Variants in CDH23 observed in about 807,000 individuals in gnomAD.
CDH23 encodes the protein cadherin-23.
A neutral mutation model predicts 317.1 loss-of-function variants in CDH23; 189 were observed. The observed-to-expected ratio is 0.60, with a 90% CI of 0.53 to 0.67. The LOEUF is 0.67. Among genes scored for constraint, CDH23 ranks in the 30% least tolerant of loss-of-function variants. CDH23 has a pLI of 0.00. For synonymous variants in CDH23, 1,839 were observed against 1,876.8 expected, an observed-to-expected ratio of 0.98 and a Z score of 0.52; for missense variants, 4,401 against 4,592.4, an observed-to-expected ratio of 0.96 and a Z score of 1.20.
intron 9 of CDH23, among the ~76,000 whole-genome samples, chr10:71,598,826 C>T (rs1032845075): frequency 2.0e-5 from 3 of 152,260 alleles, no homozygotes; most frequent in African/African-American, 4.8e-5. Flanking sequence ...GGGATGGGAG[C>T]GTCTTGGGAC....
intron 41 of CDH23, among the ~76,000 whole-genome samples, chr10:71,780,490 G>A (rs745370603): frequency 7.9e-5 from 12 of 152,216 alleles, no homozygotes; most frequent in Non-Finnish European, 1.3e-4. Flanking sequence ...GAAACAGCAA[G>A]TGGAAAGGCA....
intron 1 of CDH23, among the ~76,000 whole-genome samples, chr10:71,414,027 AATTT>A (rs1466356660): frequency 6.9e-6 from 1 of 144,248 alleles, no homozygotes; most frequent in Non-Finnish European, 1.5e-5. Flanking sequence ...AATTTTGCTG[AATTT>A]ATTAGCTCCT....
intron 3 of CDH23, among the ~76,000 whole-genome samples, chr10:71,465,765 C>T (rs572594590): frequency 2.0e-5 from 3 of 152,314 alleles, no homozygotes; most frequent in South Asian, 2.1e-4. Context: ...CAGGTAGCCG[C>T]GCTGAGTGAC....
chr10:71,457,727 C>G (rs1850767016), intron 3 of CDH23, among the ~76,000 whole-genome samples: 1 of 152,250 alleles, frequency 6.6e-6, no homozygotes, highest in Admixed American at 6.5e-5. Flanking sequence ...TTTCCCTGTT[C>G]AGCCCTTGCT....
chr10:71,403,391 CTTTCTT>C (rs1847908590), intron 1 of CDH23, among the ~76,000 whole-genome samples: 1 of 106,838 alleles, frequency 9.4e-6, no homozygotes, highest in African/African-American at 4.6e-5. Context: ...TTCTTTCTTT[CTTTCTT>C]TCTTTCTTTC....
intron 2 of CDH23, among the ~76,000 whole-genome samples, chr10:71,444,575 C>T (rs535311317): frequency 1.1e-4 from 16 of 152,264 alleles, no homozygotes; most frequent in African/African-American, 3.4e-4. Flanking sequence ...TCGGTCCTGG[C>T]CAGTAAGTGA....
rs2132824769 is a variant in CDH23, at chr10:71,732,099, G to C, written c.3828G>C (p.Lys1276Asn). The C allele has an allele frequency of 6.2e-7, 1 of 1,614,002 alleles. No individual in the cohort carries two copies. The highest frequency in any genetic ancestry group is 8.5e-7 in the Non-Finnish European group (1 of 1,179,888). The change falls in exon 32 of 70, where the codon AAG becomes AAC. Residue 1276 changes from lysine (K) to asparagine (N), a missense_variant. By Grantham distance (94) the Lys-to-Asn change is moderately conservative. This residue lies in a region of CDH23 where 3,068 missense variants were observed against 3,203.3 expected (regional missense o/e 0.96). Coordinates refer to ENST00000224721, the MANE Select transcript of CDH23 (RefSeq NM_022124.6). ...TGAATTACCTGGACTACGAGACCAA[G>C]ACCAGCTACATGATGAATGTGTCGG... The part of the protein sequence containing the change: ...ITVNYLDYET[K>N]TSYMMNVSAT...
At chr10:71,540,954 C>T (rs180780777) in intron 6 of CDH23, among the ~76,000 whole-genome samples, 1 of 152,058 alleles carries the variant, frequency 6.6e-6, no homozygotes, top group East Asian at 1.9e-4. Context: ...TCTTGGAACC[C>T]AGGTTCCTCC....
At chr10:71,669,373 C>T (rs1864046937) in intron 14 of CDH23, among the ~76,000 whole-genome samples, 1 of 152,216 alleles carries the variant, frequency 6.6e-6, no homozygotes, top group Non-Finnish European at 1.5e-5. Context: ...GCCTTGTTTT[C>T]CTCGTAGTTC....
At chr10:71,811,193 G>T (rs1458068838) in intron 62 of CDH23, 122 bp from the exon 63 acceptor site, 2 of 1,424,102 alleles carry the variant, frequency 1.4e-6, no homozygotes, top group Non-Finnish European at 2.0e-6. Context: ...CCAGCCGGTG[G>T]ACCTCAATCT....
chr10:71,471,973 G>A (rs1851538877), intron 3 of CDH23, among the ~76,000 whole-genome samples: 1 of 152,164 alleles, frequency 6.6e-6, no homozygotes, highest in South Asian at 2.1e-4. Context: ...CTTCTAATTT[G>A]TATTTTTGTC....
Position 71,664,330 on chromosome 10 carries a change from G to A in CDH23, c.1450-10782G>A, listed in dbSNP as rs186507903. 9.5e-4 allele frequency among the ~76,000 whole-genome samples: 145 copies of A among 152,346 alleles called. 1 individual carries two copies. Among genetic ancestry groups the A allele is most frequent in the Non-Finnish European group, 1.5e-3 (101 of 68,036 alleles). ...TTTAAAATAAAATAAAGGGAAATAA[G>A]GAAGAAGGTTTCGGAGCCCAAGAAC... On this transcript the variant is annotated intron_variant, in intron 14 of 69. Transcript: ENST00000224721.
chr10:71,543,533 C>T (rs1016648795), intron 6 of CDH23, among the ~76,000 whole-genome samples: 2 of 152,202 alleles, frequency 1.3e-5, no homozygotes, highest in African/African-American at 2.4e-5. Flanking sequence ...CACCCAGTTC[C>T]GCATAGATGA....
chr10:71,486,826 A>G (rs1852378664), intron 3 of CDH23, among the ~76,000 whole-genome samples: 1 of 152,054 alleles, frequency 6.6e-6, no homozygotes, highest in Admixed American at 6.6e-5. Context: ...GGAGTGAGGG[A>G]GCAGGACTGG....
At chr10:71,570,726 A>C (rs1857738207) in intron 7 of CDH23, 64 bp from the exon 8 acceptor site, 1 of 1,546,564 alleles carries the variant, frequency 6.5e-7, no homozygotes, top group East Asian at 2.4e-5. Context: ...GTGTGTGTAC[A>C]TATGTGTGTG....
In CDH23 at chr10:71,790,205, A is replaced by T; in HGVS notation, c.5924-83A>T. ...CCTCCCCTCTCATCCATCGTCAGCC[A>T]TGGCTCACCGGGACAGGGCAGGGGA... On this transcript the variant is annotated intron_variant, in intron 45 of 69. Coordinates refer to ENST00000224721, the MANE Select transcript of CDH23 (RefSeq NM_022124.6). The T allele has an allele frequency of 3.2e-6, 5 of 1,550,646 alleles. No homozygotes were observed. In the South Asian group the frequency reaches 4.8e-5, roughly 15 times the overall value.
At chr10:71,444,868 T>A (rs1187403891) in intron 2 of CDH23, among the ~76,000 whole-genome samples, 4 of 152,178 alleles carry the variant, frequency 2.6e-5, no homozygotes, top group Non-Finnish European at 5.9e-5. Flanking sequence ...GTGCCCCTGA[T>A]GGCAGGTGCT....
At chr10:71,570,189 TGGTTGGATTGGGAAAAGTCACTGAA>T (rs1857692128) in intron 7 of CDH23, among the ~76,000 whole-genome samples, 1 of 152,126 alleles carries the variant, frequency 6.6e-6, no homozygotes, top group East Asian at 1.9e-4. Flanking sequence ...CTCCCCCTGC[TGGTTGGATTGGGAAAAGTCACTGAA>T]CCAGTAAATC....
chr10:71,728,417 C>T (rs1258318286), intron 30 of CDH23, among the ~76,000 whole-genome samples: 1 of 152,150 alleles, frequency 6.6e-6, no homozygotes, highest in African/African-American at 2.4e-5. Context: ...TGCCCCCAGC[C>T]CTGCCACCCT....
Sources: gnomAD v4.1 joint callset for allele counts (sites outside exome capture counted in the v4.1 genomes callset) on GRCh38, gnomAD v4.1.1 for gene constraint, gnomAD v4.1.1 regional missense constraint, MANE v1.5 for transcripts, NCBI Gene and HGNC (gene_info 2026-07-23, HGNC 2026-07-21) for gene names.